DNMBP: variants seen among roughly 807,000 people sequenced by gnomAD.
The protein encoded by DNMBP is dynamin-binding protein.
A neutral mutation model predicts 150.0 loss-of-function variants in DNMBP; 87 were observed. The observed-to-expected ratio is 0.58, with a 90% CI of 0.49 to 0.69. The LOEUF is 0.69. Ranked by LOEUF, DNMBP falls within the 30% of genes least tolerant of loss-of-function variation. The pLI is 0.00. For synonymous variants in DNMBP, 711 were observed against 750.4 expected, an observed-to-expected ratio of 0.95 and a Z score of 0.86; for missense variants, 1,774 against 1,949.0, an observed-to-expected ratio of 0.91 and a Z score of 1.69.
intron 6 of DNMBP, among the ~76,000 whole-genome samples, chr10:99,904,337 T>C (rs980059514): frequency 1.3e-5 from 2 of 152,020 alleles, no homozygotes; most frequent in African/African-American, 4.8e-5. Context: ...ATGAACAACA[T>C]AGCTCTCGGC....
chr10:99,883,472 T>G (rs1215096013), intron 15 of DNMBP, among the ~76,000 whole-genome samples: 1 of 151,820 alleles, frequency 6.6e-6, no homozygotes, highest in African/African-American at 2.4e-5. Context: ...GAGACCAGCC[T>G]GGACAACATG....
chr10:99,884,143 G>A lies in DNMBP; in HGVS notation c.3865C>T (p.Leu1289Phe). The A allele has an allele frequency of 1.2e-6, 2 of 1,614,132 alleles. No homozygotes were observed. Among genetic ancestry groups the A allele is most frequent in the Non-Finnish European group, 1.7e-6 (2 of 1,180,022 alleles). The change falls in exon 15 of 17, where the codon CTC becomes TTC. Residue 1289 changes from leucine to phenylalanine, a missense_variant. Coordinates refer to ENST00000324109, the MANE Select transcript of DNMBP (RefSeq NM_015221.4). The part of the protein sequence containing the change: ...SLLARYPPEK[L>F]FQAERNFNAA... ...TTGAAGTTCCGTTCTGCCTGGAAGA[G>A]TTTTTCAGGGGGATACCTGGCCAGG...
At position 99,986,594 on chromosome 10, in the gene DNMBP, C is replaced by CAAAAAAAAAAAAAAAAAAA. The variant is rs747726572; in HGVS notation, c.-10-14479_-10-14461dup. ...TGGGAGACAGAGCAAGACTCCGTCT[C>CAAAAAAAAAAAAAAAAAAA]AAAAAAAAAAAAAAAAAAAAAAAAA... On this transcript the variant is annotated intron_variant, in intron 1 of 16. Coordinates refer to ENST00000324109, the MANE Select transcript of DNMBP (RefSeq NM_015221.4). Among the ~76,000 whole-genome samples the CAAAAAAAAAAAAAAAAAAA allele has an allele frequency of 2.0e-4, 15 of 74,164 alleles. 1 individual carries two copies. Among genetic ancestry groups the CAAAAAAAAAAAAAAAAAAA allele is most frequent in the South Asian group, 1.1e-3 (2 of 1,780 alleles). 48.7% of individuals were successfully genotyped at this position (74,164 alleles called of 152,430 possible).
At chr10:99,918,779 T>G (rs2039993291) in intron 4 of DNMBP, among the ~76,000 whole-genome samples, 1 of 152,134 alleles carries the variant, frequency 6.6e-6, no homozygotes, top group South Asian at 2.1e-4. Flanking sequence ...GGTCTGCAAC[T>G]TCTTATGCTG....
At chr10:99,977,594 T>C (rs1036771594) in intron 1 of DNMBP, among the ~76,000 whole-genome samples, 1 of 152,198 alleles carries the variant, frequency 6.6e-6, no homozygotes, top group African/African-American at 2.4e-5. Flanking sequence ...AATATAGATA[T>C]ATTTGGAAAG....
At chr10:99,884,817 C>T (rs139068400) in intron 14 of DNMBP, among the ~76,000 whole-genome samples, 3,830 of 152,130 alleles carry the variant, frequency 0.025, 73 homozygotes, top group Non-Finnish European at 0.034. Flanking sequence ...GCAGGAGAAT[C>T]ACTTGAACCT....
chr10:99,976,795 A>C (rs1319488031), intron 1 of DNMBP, among the ~76,000 whole-genome samples: 2 of 151,934 alleles, frequency 1.3e-5, no homozygotes, highest in Non-Finnish European at 2.9e-5. Flanking sequence ...TAAAAAAAAA[A>C]ACACCACACA....
At chr10:99,972,748 C>A (rs569740204) in intron 1 of DNMBP, among the ~76,000 whole-genome samples, 7 of 152,246 alleles carry the variant, frequency 4.6e-5, no homozygotes, top group Non-Finnish European at 5.9e-5. Context: ...GTAGCTGGAA[C>A]TACAGGCGCA....
At chr10:99,905,756 A>T (rs564543247) in intron 6 of DNMBP, among the ~76,000 whole-genome samples, 18 of 152,310 alleles carry the variant, frequency 1.2e-4, no homozygotes, top group Non-Finnish European at 2.4e-4. Flanking sequence ...AGATCGCTTG[A>T]GGCCAGGCAT....
intron 6 of DNMBP, among the ~76,000 whole-genome samples, chr10:99,904,965 G>A (rs1485419025): frequency 6.6e-6 from 1 of 152,124 alleles, no homozygotes; most frequent in Non-Finnish European, 1.5e-5. Context: ...CCAACCACCT[G>A]AGAGCCCCAG....
At chr10:99,951,436 T>C (rs2040421624) in intron 4 of DNMBP, among the ~76,000 whole-genome samples, 1 of 152,130 alleles carries the variant, frequency 6.6e-6, no homozygotes, top group African/African-American at 2.4e-5. Flanking sequence ...CACCAACAGC[T>C]TGCACCGTGT....
At chr10:99,937,727 C>A (rs886391648) in intron 4 of DNMBP, among the ~76,000 whole-genome samples, 4 of 152,198 alleles carry the variant, frequency 2.6e-5, no homozygotes, top group Admixed American at 2.0e-4. Flanking sequence ...CAGCCAACCA[C>A]CATGAGCACA....
chr10:99,886,305 G>A lies in DNMBP; in HGVS notation c.3613C>T (p.Leu1205Phe), dbSNP rs1199170405. ...TGAACAGGTAAGAAACTCACCGAAAGCAGTGGCTTTAATTGCTCCAGAGCC... is the reference window on the plus strand; with the variant it reads ...TGAACAGGTAAGAAACTCACCGAAAACAGTGGCTTTAATTGCTCCAGAGCC... ...HQALEQLKPLLSLLKVAGREG... is the reference protein window; with the variant it reads ...HQALEQLKPLFSLLKVAGREG... The change falls in exon 13 of 17, where the codon CTT becomes TTT. Residue 1205 changes from leucine to phenylalanine, a missense_variant. Leu to Phe is a conservative substitution (Grantham distance 22). Coordinates refer to ENST00000324109, the MANE Select transcript of DNMBP (RefSeq NM_015221.4). The A allele has an allele frequency of 1.2e-6, 2 of 1,610,582 alleles. No homozygotes were observed. Among genetic ancestry groups the A allele is most frequent in the Non-Finnish European group, 8.5e-7 (1 of 1,177,048 alleles).
chr10:99,993,857 C>T (rs2040924143), intron 1 of DNMBP, among the ~76,000 whole-genome samples: 1 of 152,114 alleles, frequency 6.6e-6, no homozygotes, highest in Non-Finnish European at 1.5e-5. Context: ...GAATATTCTG[C>T]CTTGAAAAAA....
intron 4 of DNMBP, among the ~76,000 whole-genome samples, chr10:99,915,373 G>GA (rs2039954419): frequency 1.3e-5 from 2 of 149,584 alleles, no homozygotes; most frequent in African/African-American, 4.9e-5. Flanking sequence ...AACTTAACCA[G>GA]TACTTTTTAA....
At chr10:99,959,439 C>T (rs2040537034) in intron 3 of DNMBP, among the ~76,000 whole-genome samples, 1 of 151,996 alleles carries the variant, frequency 6.6e-6, no homozygotes, top group African/African-American at 2.4e-5. Context: ...TGAGCCATGG[C>T]TGTGCTACTT....
chr10:99,914,045 A>G (rs2039934155), intron 4 of DNMBP: 1 of 1,490,338 alleles, frequency 6.7e-7, no homozygotes, highest in Non-Finnish European at 9.0e-7. Flanking sequence ...ATGCTCCACA[A>G]CCCCCCAAAC....
chr10:100,004,078 A>AAAAAAAAAAAAGAAAAATTAC (rs11421662), intron 1 of DNMBP, among the ~76,000 whole-genome samples: 1 of 45,852 alleles, frequency 2.2e-5, no homozygotes, highest in African/African-American at 1.2e-4. Context: ...AAAAAATTAC[A>AAAAAAAAAAAAGAAAAATTAC]AAAAAAAAAA....
At chr10:99,952,678 C>T (rs1245144990) in intron 4 of DNMBP, among the ~76,000 whole-genome samples, 1 of 152,188 alleles carries the variant, frequency 6.6e-6, no homozygotes, top group South Asian at 2.1e-4. Context: ...CATAATAGTC[C>T]TTTCCTAAGA....
Sources: allele counts gnomAD v4.1 joint callset (sites outside exome capture counted in the v4.1 genomes callset), GRCh38; gene constraint gnomAD v4.1.1; transcripts MANE v1.5; gene names NCBI Gene and HGNC (gene_info 2026-07-23, HGNC 2026-07-21).